Variants in VPS41 observed in about 807,000 individuals in gnomAD.
The protein encoded by VPS41 is VPS41 subunit of HOPS complex.
Under a neutral mutation model 130.9 loss-of-function variants are expected in VPS41, and 85 were observed. The ratio of observed to expected loss-of-function variants is 0.65; its 90% CI spans 0.55 to 0.78. The LOEUF (loss-of-function observed/expected upper bound fraction) is 0.78, where lower values mean the gene tolerates loss of function less well. Among genes scored for constraint, VPS41 ranks in the 30% least tolerant of loss-of-function variants. The probability of loss-of-function intolerance (pLI) is 0.00; values close to 1 mark genes in which losing one functional copy is unlikely to be tolerated. For synonymous variants in VPS41, 335 were observed against 332.9 expected (o/e 1.01, Z -0.07); for missense variants, 874 against 1,018.7 (o/e 0.86, Z 1.93).
At chr7:38,736,179 T>C (rs1020257901) in intron 25 of VPS41, among the ~76,000 whole-genome samples, 10 of 152,188 alleles carry the variant, frequency 6.6e-5, no homozygotes, top group African/African-American at 2.4e-4. Context: ...ACAAAAGATA[T>C]TTTAGAGATC....
chr7:38,806,159 T>C (rs1018614441), intron 7 of VPS41, among the ~76,000 whole-genome samples: 4 of 152,262 alleles, frequency 2.6e-5, no homozygotes, highest in Admixed American at 1.3e-4. Flanking sequence ...TACTCACACA[T>C]AGCTGATGTA....
At chr7:38,801,816 A>T (rs923608539) in intron 7 of VPS41, among the ~76,000 whole-genome samples, 19 of 152,224 alleles carry the variant, frequency 1.2e-4, no homozygotes, top group Non-Finnish European at 1.5e-5. Context: ...ACTAGTCTTA[A>T]TTCTTTCCTT....
intron 4 of VPS41, among the ~76,000 whole-genome samples, chr7:38,839,522 CAGA>C (rs1204392435): frequency 1.3e-5 from 2 of 151,952 alleles, no homozygotes; most frequent in Non-Finnish European, 2.9e-5. Flanking sequence ...TGCTAACCAG[CAGA>C]AGAAGGGATT....
At chr7:38,756,510 T>C (rs1783796924) in intron 19 of VPS41, among the ~76,000 whole-genome samples, 1 of 152,158 alleles carries the variant, frequency 6.6e-6, no homozygotes, top group Non-Finnish European at 1.5e-5. Flanking sequence ...GAGGGATAAA[T>C]GAGTCAAAGT....
chr7:38,893,355 T>C (rs1014020458), intron 2 of VPS41, among the ~76,000 whole-genome samples: 3 of 152,236 alleles, frequency 2.0e-5, no homozygotes, highest in African/African-American at 7.2e-5. Context: ...AGACTCACTC[T>C]TGAAGACTCC....
Position 38,796,795 on chromosome 7 carries a change from T to C in VPS41, c.520A>G (p.Ile174Val). 3 of 1,614,030 alleles carry C rather than the reference T, an allele frequency of 1.9e-6. No homozygotes were observed. The highest frequency in any genetic ancestry group is 2.2e-5 in the East Asian group (1 of 44,870). ...TGGCCTCTCCACTTCACACTCCTTA[T>C]GTTCCCTTCCCCTTCATGCAGAACA... ...SAVLHEGEGN[I>V]RSVKWRGHLI... The change falls in exon 8 of 29, where the codon ATA becomes GTA. Residue 174 changes from isoleucine (I) to valine (V), a missense_variant. Coordinates refer to ENST00000310301, the MANE Select transcript of VPS41 (RefSeq NM_014396.4).
At chr7:38,851,816 G>A (rs1010434361) in intron 4 of VPS41, among the ~76,000 whole-genome samples, 3 of 151,952 alleles carry the variant, frequency 2.0e-5, no homozygotes, top group Admixed American at 1.3e-4. Flanking sequence ...ACCAATACTT[G>A]GTATGATTAG....
chr7:38,763,958 G>C (rs1442845670), intron 16 of VPS41, among the ~76,000 whole-genome samples: 1 of 152,106 alleles, frequency 6.6e-6, no homozygotes, highest in Non-Finnish European at 1.5e-5. Flanking sequence ...ATCATCTTTT[G>C]AAATTAGGAA....
At chr7:38,767,246 T>C (rs1784063397) in intron 15 of VPS41, among the ~76,000 whole-genome samples, 1 of 152,114 alleles carries the variant, frequency 6.6e-6, no homozygotes, top group Admixed American at 6.6e-5. Context: ...TGTAAATAGG[T>C]AAAGTCTGAG....
intron 2 of VPS41, among the ~76,000 whole-genome samples, chr7:38,879,882 T>A (rs1786567162): frequency 1.1e-5 from 1 of 89,774 alleles, no homozygotes. Flanking sequence ...GTCACTAATG[T>A]CATTTCTTTA....
At chr7:38,767,933 ACT>A (rs1470281245) in intron 14 of VPS41, among the ~76,000 whole-genome samples, 5 of 152,154 alleles carry the variant, frequency 3.3e-5, no homozygotes, top group South Asian at 2.1e-4. Flanking sequence ...ACAATTCCAC[ACT>A]GTTAATGTAT....
chr7:38,732,903 C>T (rs988321376), intron 25 of VPS41, among the ~76,000 whole-genome samples: 72 of 152,214 alleles, frequency 4.7e-4, no homozygotes, highest in African/African-American at 1.7e-3. Context: ...TCAGAACTCA[C>T]TGCAGCCTTG....
chr7:38,770,250 C>T (rs1349317020), intron 14 of VPS41, among the ~76,000 whole-genome samples: 3 of 146,608 alleles, frequency 2.0e-5, no homozygotes, highest in African/African-American at 7.7e-5. Flanking sequence ...GCCTGGGCAA[C>T]GAGAGCGAAA....
At chr7:38,909,014 A>C in intron 1 of VPS41, 140 bp downstream of exon 1, 2 of 1,009,184 alleles carry the variant, frequency 2.0e-6, no homozygotes, top group African/African-American at 1.6e-5. Context: ...AACTTTCGCC[A>C]TCCCACCCCG....
intron 16 of VPS41, 93 bp downstream of exon 16, chr7:38,765,487 T>C (rs1414898406): frequency 2.3e-6 from 2 of 851,634 alleles, no homozygotes; most frequent in African/African-American, 3.6e-5. Context: ...AATCACGTCC[T>C]AAAAAAGAGC....
intron 9 of VPS41, among the ~76,000 whole-genome samples, chr7:38,793,540 A>G (rs1784571199): frequency 6.6e-6 from 1 of 152,222 alleles, no homozygotes; most frequent in South Asian, 2.1e-4. Context: ...TAACTTGGGC[A>G]TAAAGAAAGG....
In VPS41 at chr7:38,726,049, G is replaced by A. The variant is rs961742700; in HGVS notation, c.*197C>T. On this transcript the variant is annotated 3_prime_UTR_variant, in exon 29 of 29. Transcript: ENST00000310301. ...TTCACTATGGACCCCAAAATTTCAA[G>A]GCATGAAGAGAGCCCCAAATTCTCT... is the stretch of plus-strand genomic sequence containing the variant. 7 of 547,232 alleles carry A rather than the reference G, an allele frequency of 1.3e-5. No homozygotes were observed. Among genetic ancestry groups the A allele is most frequent in the African/African-American group, 5.7e-5 (3 of 52,842 alleles). The allele number at this position is 547,232 out of a possible 1,614,324, so 33.9% of individuals were successfully genotyped here.
chr7:38,902,200 G>A (rs990231665), intron 1 of VPS41, among the ~76,000 whole-genome samples: 3 of 152,040 alleles, frequency 2.0e-5, no homozygotes, highest in African/African-American at 2.4e-5. Context: ...CAGACCAGAC[G>A]GCCACTGCCC....
chr7:38,809,953 C>T (rs193148262), intron 7 of VPS41, among the ~76,000 whole-genome samples: 11 of 152,168 alleles, frequency 7.2e-5, no homozygotes, highest in Non-Finnish European at 1.5e-4. Context: ...ATTCACTTGA[C>T]AGATTTATTT....
Sources: gnomAD v4.1 joint callset for allele counts (sites outside exome capture counted in the v4.1 genomes callset) on GRCh38, gnomAD v4.1.1 for gene constraint, MANE v1.5 for transcripts, NCBI Gene and HGNC (gene_info 2026-07-23, HGNC 2026-07-21) for gene names.